Variants in PCDHGA4 observed in about 807,000 individuals in gnomAD.
The protein encoded by PCDHGA4 is protocadherin gamma-A4.
Under a neutral mutation model 54.6 loss-of-function variants are expected in PCDHGA4, and 38 were observed. That is an observed-to-expected ratio of 0.70 (90% CI 0.54 to 0.91). The LOEUF (loss-of-function observed/expected upper bound fraction) is 0.91. Among genes scored for constraint, PCDHGA4 ranks in the 40% least tolerant of loss-of-function variants. The pLI is 0.00. For synonymous variants in PCDHGA4, 511 were observed against 512.9 expected, an observed-to-expected ratio of 1.00 and a Z score of 0.05; for missense variants, 1,298 against 1,220.9, an observed-to-expected ratio of 1.06 and a Z score of -0.94.
intron 1 of PCDHGA4, chr5:141,441,621 G>C (rs2098260273): frequency 9.0e-6 from 2 of 223,292 alleles, no homozygotes; most frequent in Non-Finnish European, 1.8e-5. Flanking sequence ...CGTGGCCAGT[G>C]ACCTGGAGCC....
intron 1 of PCDHGA4, chr5:141,412,984 C>A: frequency 1.8e-6 from 1 of 558,874 alleles, no homozygotes; most frequent in Non-Finnish European, 3.0e-6. Context: ...GCAGCCAGAG[C>A]TCAATCCGGA....
chr5:141,442,006 G>A (rs540427406), intron 1 of PCDHGA4: 77 of 229,074 alleles, frequency 3.4e-4, no homozygotes, highest in African/African-American at 1.6e-3. Context: ...CTGACAGCTC[G>A]CACGATGGGC....
chr5:141,490,585 G>C lies in PCDHGA4; in HGVS notation c.2515-4222G>C. On this transcript the variant is annotated intron_variant, in intron 1 of 3. Transcript: ENST00000571252. The surrounding 1 kb of genome is among the most constrained non-coding windows in gnomAD (Gnocchi z 5.4). Reference sequence around the variant, plus strand: ...CAGGCTCAACATTTCAGATGTCAATGACAATGCACCCCGCTTCAACCAGCA... The same window carrying C: ...CAGGCTCAACATTTCAGATGTCAATCACAATGCACCCCGCTTCAACCAGCA... The C allele has an allele frequency of 6.2e-7, 1 of 1,614,142 alleles. No homozygotes were observed. Among genetic ancestry groups the C allele is most frequent in the South Asian group, 1.1e-5 (1 of 91,078 alleles).
At chr5:141,364,288 A>T in intron 1 of PCDHGA4, 2 of 1,517,690 alleles carry the variant, frequency 1.3e-6, no homozygotes, top group Non-Finnish European at 1.8e-6. Context: ...AGGAAACAGC[A>T]GGCTGAACCA....
At chr5:141,492,449 T>C (rs1045043841) in intron 1 of PCDHGA4, among the ~76,000 whole-genome samples, 50 of 152,314 alleles carry the variant, frequency 3.3e-4, no homozygotes, top group African/African-American at 1.2e-3. Flanking sequence ...TAGCTGATTG[T>C]GCGCGCCTGA....
At chr5:141,435,214 A>C (rs1314928643) in intron 1 of PCDHGA4, among the ~76,000 whole-genome samples, 1 of 152,176 alleles carries the variant, frequency 6.6e-6, no homozygotes, top group Non-Finnish European at 1.5e-5. Flanking sequence ...AAGTGAATTT[A>C]CTTTCTTTCA....
rs1440733700 is a variant in PCDHGA4 at position 141,441,803 on chromosome 5, G to A, written c.2515-53004G>A. 249 of 383,164 alleles carry A rather than the reference G, an allele frequency of 6.5e-4. 2 individuals carry two copies. Among genetic ancestry groups the A allele is most frequent in the African/African-American group, 4.8e-3 (220 of 45,902 alleles). The allele number at this position is 383,164 out of a possible 1,614,324, so 23.7% of individuals were successfully genotyped here. The stretch of plus-strand genomic sequence containing the variant: ...ACCTGAATGACAACGCACCGCGGGT[G>A]CTGTACCCCAGCTCTGGAGCGCAAT... On this transcript the variant is annotated intron_variant, in intron 1 of 3. Coordinates refer to ENST00000571252, the MANE Select transcript of PCDHGA4 (RefSeq NM_018917.4).
chr5:141,485,625 G>A lies in PCDHGA4; in HGVS notation c.2515-9182G>A, dbSNP rs1458191111. On this transcript the variant is annotated intron_variant, in intron 1 of 3. Coordinates refer to ENST00000571252, the MANE Select transcript of PCDHGA4 (RefSeq NM_018917.4). This position sits in a 1 kb window ranked among gnomAD's most constrained non-coding sequence, Gnocchi z 5.7. ...GGGGAGGCAGCTCCTCCAGGACAGC[G>A]TTTCCCGTTGGAAAAGGCTCAGGAT... is the stretch of plus-strand genomic sequence containing the variant. The A allele has an allele frequency of 1.2e-6, 2 of 1,611,968 alleles. No homozygotes were observed. The highest frequency in any genetic ancestry group is 3.3e-5 in the Admixed American group (2 of 59,916).
intron 1 of PCDHGA4, chr5:141,418,595 G>GT (rs2096273873): frequency 6.2e-7 from 1 of 1,613,928 alleles, no homozygotes; most frequent in African/African-American, 1.3e-5. Context: ...CAGCCAGGAC[G>GT]TGTACAGGGT....
At chr5:141,390,024 CG>C (rs1561629846) in intron 1 of PCDHGA4, 1 of 1,614,044 alleles carries the variant, frequency 6.2e-7, no homozygotes, top group African/African-American at 1.3e-5. Context: ...CTTGCGCCTG[CG>C]ACGCTCCTCC....
At chr5:141,463,738 G>C (rs1002263384) in intron 1 of PCDHGA4, among the ~76,000 whole-genome samples, 1 of 151,978 alleles carries the variant, frequency 6.6e-6, no homozygotes, top group East Asian at 1.9e-4. Flanking sequence ...GAGCCACCGC[G>C]CCCGGCCTGC....
intron 1 of PCDHGA4, chr5:141,376,960 T>C (rs1773581564): frequency 6.1e-6 from 1 of 162,766 alleles, no homozygotes; most frequent in Admixed American, 5.9e-5. Context: ...GTGCTGGGAT[T>C]ACAGGCGTGA....
chr5:141,469,372 C>T (rs780872014), intron 1 of PCDHGA4, among the ~76,000 whole-genome samples: 2 of 151,990 alleles, frequency 1.3e-5, no homozygotes, highest in African/African-American at 2.4e-5. Context: ...GTAAAGAGAT[C>T]GAGACCATCC....
chr5:141,375,123 T>C, intron 1 of PCDHGA4: 2 of 1,613,914 alleles, frequency 1.2e-6, no homozygotes. Context: ...GTACCAGAAG[T>C]GGTTGTTACA....
intron 1 of PCDHGA4, chr5:141,427,790 C>G: frequency 6.7e-7 from 1 of 1,482,224 alleles, no homozygotes; most frequent in South Asian, 1.1e-5. Flanking sequence ...TGTCGTCCTA[C>G]GTGTCCGTGA....
intron 1 of PCDHGA4, among the ~76,000 whole-genome samples, chr5:141,448,985 A>G (rs2098621528): frequency 6.6e-6 from 1 of 152,026 alleles, no homozygotes; most frequent in South Asian, 2.1e-4. Context: ...TTCCATATTA[A>G]TATATAGAAA....
At chr5:141,413,498 T>G (rs1187570193) in intron 1 of PCDHGA4, 1 of 1,614,026 alleles carries the variant, frequency 6.2e-7, no homozygotes, top group Admixed American at 1.7e-5. Context: ...CGGTGCGTGG[T>G]GAGTTTTAAT....
At chr5:141,369,395 G>A (rs1766207987) in intron 1 of PCDHGA4, among the ~76,000 whole-genome samples, 1 of 152,102 alleles carries the variant, frequency 6.6e-6, no homozygotes, top group Non-Finnish European at 1.5e-5. Context: ...TTTGGGCCAG[G>A]GTGGTTCATG....
At position 141,485,133 on chromosome 5, in the gene PCDHGA4, C is replaced by A; in HGVS notation, c.2515-9674C>A. On this transcript the variant is annotated intron_variant, in intron 1 of 3. Transcript: ENST00000571252. The surrounding 1 kb of genome is among the most constrained non-coding windows in gnomAD (Gnocchi z 5.7). Reference sequence around the variant, plus strand: ...GCTGTTTGGGGCGGGTCGGCTTCATCCGCGTCTCAGGAGCAAGTAGAGAAT... The same window carrying A: ...GCTGTTTGGGGCGGGTCGGCTTCATACGCGTCTCAGGAGCAAGTAGAGAAT... The A allele has an allele frequency of 2.7e-6, 4 of 1,492,492 alleles. No homozygotes were observed. The highest frequency in any genetic ancestry group is 1.7e-5 in the Admixed American group (1 of 58,334). The allele number at this position is 1,492,492 out of a possible 1,614,324, so 92.5% of individuals were successfully genotyped here.
Sources: allele counts gnomAD v4.1 joint callset (sites outside exome capture counted in the v4.1 genomes callset), GRCh38; gene constraint gnomAD v4.1.1; non-coding constraint Gnocchi (gnomAD v3.1); transcripts MANE v1.5; gene names NCBI Gene and HGNC (gene_info 2026-07-23, HGNC 2026-07-21).